C7orf33: variants seen among roughly 807,000 people sequenced by gnomAD.
C7orf33 encodes uncharacterized protein C7orf33.
A neutral mutation model predicts 13.4 loss-of-function variants in C7orf33; 15 were observed. That is an observed-to-expected ratio of 1.12 (90% CI 0.75 to 1.72). C7orf33 has a LOEUF of 1.72. Among genes scored for constraint, C7orf33 ranks in the 40% most tolerant of loss-of-function variants. The probability of loss-of-function intolerance (pLI) is 0.00; values close to 1 mark genes in which losing one functional copy is unlikely to be tolerated. For synonymous variants in C7orf33, 73 were observed against 83.2 expected, an observed-to-expected ratio of 0.88 and a Z score of 0.67; for missense variants, 187 against 220.3, an observed-to-expected ratio of 0.85 and a Z score of 0.96.
chr7:148,597,764 G>C (rs539309298), intron 1 of C7orf33, among the ~76,000 whole-genome samples: 1 of 151,942 alleles, frequency 6.6e-6, no homozygotes, highest in East Asian at 1.9e-4. Context: ...GTTTTGTTTT[G>C]TTTTGTTTTG....
rs59748690 is a variant in C7orf33 at position 148,615,331 on chromosome 7, G to A, written c.464G>A (p.Arg155His). ...RTVTSSYLNVRGHEVRKLQNS... is the reference protein window; with the variant it reads ...RTVTSSYLNVHGHEVRKLQNS... Reference sequence around the variant, plus strand: ...GTCTTCGTAATCCACATGTAGGTACGTGGGCATGAAGTAAGAAAGCTCCAG... The same window carrying A: ...GTCTTCGTAATCCACATGTAGGTACATGGGCATGAAGTAAGAAAGCTCCAG... Residue 155 changes from arginine to histidine, a missense_variant, in exon 3 of 3, where the codon CGT becomes CAT. Physicochemically the swap from Arg to His is conservative, Grantham distance 29 (BLOSUM62 0). Coordinates refer to ENST00000307003, the MANE Select transcript of C7orf33 (RefSeq NM_145304.4). 8,488 of 1,608,530 alleles carry A rather than the reference G, an allele frequency of 5.3e-3. 345 individuals are homozygous for A. In the African/African-American group the frequency reaches 0.091, roughly 17 times the overall value.
chr7:148,614,601 G>A (rs1796581166), intron 2 of C7orf33, among the ~76,000 whole-genome samples: 1 of 152,192 alleles, frequency 6.6e-6, no homozygotes, highest in Non-Finnish European at 1.5e-5. Flanking sequence ...GCTCACTAAA[G>A]GGGATCCTGT....
At chr7:148,607,472 G>A (rs897417351) in intron 1 of C7orf33, among the ~76,000 whole-genome samples, 1 of 152,182 alleles carries the variant, frequency 6.6e-6, no homozygotes, top group Non-Finnish European at 1.5e-5. Context: ...ATGTCTGGAA[G>A]CAATGGTCAA....
Position 148,596,606 on chromosome 7 carries a change from C to A in C7orf33, c.204+5477C>A, listed in dbSNP as rs58618566. Among the ~76,000 whole-genome samples the A allele has an allele frequency of 8.5e-4, 129 of 152,238 alleles. 1 individual carries two copies. Among genetic ancestry groups the A allele is most frequent in the African/African-American group, 3.0e-3 (125 of 41,532 alleles). On this transcript the variant is annotated intron_variant, in intron 1 of 2. Coordinates refer to ENST00000307003, the MANE Select transcript of C7orf33 (RefSeq NM_145304.4). ...AAACCCCTGATAAAACCCTCAGATC[C>A]CATGAGACTTACTCACTACCATCAG...
At chr7:148,613,789 T>C (rs1796572765) in intron 1 of C7orf33, among the ~76,000 whole-genome samples, 3 of 152,230 alleles carry the variant, frequency 2.0e-5, no homozygotes, top group South Asian at 4.1e-4. Flanking sequence ...AAACCTTGAA[T>C]TGGTGTATTA....
intron 1 of C7orf33, among the ~76,000 whole-genome samples, chr7:148,591,370 T>C (rs1168536093): frequency 3.3e-5 from 5 of 152,224 alleles, no homozygotes; most frequent in Non-Finnish European, 5.9e-5. Flanking sequence ...GTGTTTAGCC[T>C]GAGTCATGTT....
intron 1 of C7orf33, among the ~76,000 whole-genome samples, chr7:148,613,574 C>T (rs569260791): frequency 6.6e-6 from 1 of 152,302 alleles, no homozygotes; most frequent in African/African-American, 2.4e-5. Flanking sequence ...CAAAATACTA[C>T]ATGTTTGATT....
chr7:148,596,334 A>C (rs1376818301), intron 1 of C7orf33, among the ~76,000 whole-genome samples: 1 of 152,230 alleles, frequency 6.6e-6, no homozygotes, highest in Non-Finnish European at 1.5e-5. Flanking sequence ...TTTAGATTAC[A>C]GTGGGTTTGG....
chr7:148,614,391 A>G, intron 2 of C7orf33, 95 bp downstream of exon 2: 1 of 1,313,716 alleles, frequency 7.6e-7, no homozygotes, highest in Admixed American at 2.0e-5. Context: ...GGATTGTTGC[A>G]TTCTTGCATG....
At position 148,600,906 on chromosome 7, in the gene C7orf33, A is replaced by G. The variant is rs113147308; in HGVS notation, c.204+9777A>G. Reference sequence around the variant, plus strand: ...CAACCTCCACCTCCCGGGTTGAAGCAATTCTCCTGCCTCAGCCTCCTGAGT... The same window carrying G: ...CAACCTCCACCTCCCGGGTTGAAGCGATTCTCCTGCCTCAGCCTCCTGAGT... On this transcript the variant is annotated intron_variant, in intron 1 of 2. Coordinates refer to ENST00000307003, the MANE Select transcript of C7orf33 (RefSeq NM_145304.4). Among the ~76,000 whole-genome samples the G allele has an allele frequency of 8.9e-3, 1,318 of 148,588 alleles. 17 individuals carry two copies. Among genetic ancestry groups the G allele is most frequent in the African/African-American group, 0.031 (1,258 of 40,080 alleles).
chr7:148,598,705 T>TA (rs1168299316), intron 1 of C7orf33, among the ~76,000 whole-genome samples: 2 of 128,756 alleles, frequency 1.6e-5, no homozygotes, highest in Admixed American at 8.8e-5. Context: ...TGTATATATA[T>TA]AAAAAAAATT....
At chr7:148,596,745 C>G (rs1434399046) in intron 1 of C7orf33, among the ~76,000 whole-genome samples, 3 of 152,090 alleles carry the variant, frequency 2.0e-5, no homozygotes, top group Non-Finnish European at 4.4e-5. Flanking sequence ...GGGGACACAA[C>G]CAAACCATAT....
intron 1 of C7orf33, among the ~76,000 whole-genome samples, chr7:148,608,245 T>C (rs1796496039): frequency 6.6e-6 from 1 of 152,020 alleles, no homozygotes; most frequent in South Asian, 2.1e-4. Context: ...CTGGCCAACA[T>C]GGTGAAACCC....
intron 1 of C7orf33, among the ~76,000 whole-genome samples, chr7:148,595,640 ATATAGATATAATATAGATCTATATT>A (rs1319656884): frequency 0.028 from 2,291 of 82,202 alleles, 19 homozygotes; most frequent in Admixed American, 0.058. Flanking sequence ...CATCTATATT[ATATAGATATAATATAGATCTATATT>A]ATATAGATAT....
At chr7:148,605,467 A>G (rs1040146671) in intron 1 of C7orf33, among the ~76,000 whole-genome samples, 2 of 152,224 alleles carry the variant, frequency 1.3e-5, no homozygotes, top group African/African-American at 4.8e-5. Flanking sequence ...GCAAGGCTAG[A>G]GGAGGAGGAA....
intron 1 of C7orf33, among the ~76,000 whole-genome samples, chr7:148,608,491 C>T (rs992861523): frequency 3.9e-5 from 6 of 151,938 alleles, no homozygotes; most frequent in African/African-American, 1.5e-4. Flanking sequence ...CCAATAATCA[C>T]TCGACATGGA....
At chr7:148,614,358 T>G (rs1585468548) in intron 2 of C7orf33, 62 bp downstream of exon 2, 5 of 1,533,418 alleles carry the variant, frequency 3.3e-6, no homozygotes, top group East Asian at 2.3e-5. Flanking sequence ...GCTCTGAAAC[T>G]TCCATGAAAA....
intron 1 of C7orf33, among the ~76,000 whole-genome samples, chr7:148,595,541 G>A (rs868820716): frequency 1.9e-3 from 236 of 121,296 alleles, no homozygotes; most frequent in African/African-American, 8.4e-3. Context: ...ATATAGATCT[G>A]TATTATATAT....
At chr7:148,608,051 A>G (rs918664461) in intron 1 of C7orf33, among the ~76,000 whole-genome samples, 3 of 152,164 alleles carry the variant, frequency 2.0e-5, no homozygotes, top group Admixed American at 2.0e-4. Context: ...TGCTTAAAAA[A>G]ATAGATGAAG....
Sources: gnomAD v4.1 joint callset for allele counts (sites outside exome capture counted in the v4.1 genomes callset) on GRCh38, gnomAD v4.1.1 for gene constraint, MANE v1.5 for transcripts, NCBI Gene and HGNC (gene_info 2026-07-23, HGNC 2026-07-21) for gene names.